Variants in CAST observed in about 807,000 individuals in gnomAD.
The protein encoded by CAST is calpastatin, also known as MIR583 host.
A neutral mutation model predicts 119.6 loss-of-function variants in CAST; 76 were observed. That is an observed-to-expected ratio of 0.64 (90% CI 0.53 to 0.77). CAST has a LOEUF of 0.77. Among genes scored for constraint, CAST ranks in the 30% least tolerant of loss-of-function variants. The pLI, the probability that CAST is intolerant of heterozygous loss-of-function variation, is 0.00. For synonymous variants in CAST, 319 were observed against 331.6 expected (o/e 0.96, Z 0.41); for missense variants, 953 against 946.5 (o/e 1.01, Z -0.09).
At chr5:96,332,941 C>T in the CAST span, among the ~76,000 whole-genome samples, 1 of 152,174 alleles carries the variant, frequency 6.6e-6, no homozygotes, top group African/African-American at 2.4e-5. Flanking sequence ...AGGTGGTTTC[C>T]TTTTGGCCAC....
the CAST span, among the ~76,000 whole-genome samples, chr5:96,419,817 A>C: frequency 6.6e-6 from 1 of 152,112 alleles, no homozygotes; most frequent in Non-Finnish European, 1.5e-5. Flanking sequence ...AACAACTATT[A>C]TAAATGCTGT....
rs371859659 is a variant in CAST at position 96,598,875 on chromosome 5, ATTGT to A, written c.60+69001_60+69004del. Among the ~76,000 whole-genome samples, 543 of 152,250 alleles carry A rather than the reference ATTGT, an allele frequency of 3.6e-3. 6 individuals are homozygous for A. The highest frequency in any genetic ancestry group is 0.013 in the African/African-American group (523 of 41,550). ...CTGTCTGACTGCTTTGGGCTGGGAC[ATTGT>A]TTGTTGTTGTTTTGCCTGCCTTTGG... On this transcript the variant is annotated intron_variant, in intron 1 of 11. Transcript: ENST00000505143.
chr5:96,233,787 CAT>C, the CAST span, among the ~76,000 whole-genome samples: 2 of 152,132 alleles, frequency 1.3e-5, no homozygotes, highest in South Asian at 2.1e-4. Flanking sequence ...TGTAAGATAA[CAT>C]ATTTACATAT....
At chr5:96,724,231 G>C (rs1007740592) in intron 4 of CAST, among the ~76,000 whole-genome samples, 14 of 151,996 alleles carry the variant, frequency 9.2e-5, no homozygotes, top group African/African-American at 3.4e-4. Context: ...TTCCAGGCTG[G>C]ATGTAGTGGC....
intron 2 of CAST, among the ~76,000 whole-genome samples, chr5:96,692,356 T>C (rs1752822512): frequency 6.6e-6 from 1 of 152,122 alleles, no homozygotes; most frequent in African/African-American, 2.4e-5. Flanking sequence ...GGGGGTCAGG[T>C]AGTAACCTGA....
the CAST span, among the ~76,000 whole-genome samples, chr5:96,428,274 G>A: frequency 6.6e-6 from 1 of 152,032 alleles, no homozygotes; most frequent in East Asian, 1.9e-4. Context: ...TTCCCCCTGG[G>A]AAGTTGAAAG....
chr5:96,201,877 T>C, the CAST span, among the ~76,000 whole-genome samples: 1 of 152,286 alleles, frequency 6.6e-6, no homozygotes, highest in Admixed American at 6.5e-5. Context: ...TTTTTAATTA[T>C]TGATTAGACA....
rs1444649427 is a variant in CAST, at chr5:96,773,647, T to C, written c.*1031T>C. On this transcript the variant is annotated 3_prime_UTR_variant, in exon 32 of 32. Coordinates refer to ENST00000675179, the MANE Select transcript of CAST (RefSeq NM_001750.7). ...GAAACCTGCATTTCTCCCACAGCAA[T>C]GTAAGAAGTAGGCTCTGATGTCCTA... is the stretch of plus-strand genomic sequence containing the variant. 2 of 152,166 alleles carry C rather than the reference T, an allele frequency of 1.3e-5. No homozygotes were observed. Among genetic ancestry groups the C allele is most frequent in the African/African-American group, 2.4e-5 (1 of 41,446 alleles). 9.4% of individuals were successfully genotyped at this position (152,166 alleles called of 1,614,324 possible).
chr5:96,344,153 G>C, the CAST span, among the ~76,000 whole-genome samples: 1 of 152,206 alleles, frequency 6.6e-6, no homozygotes, highest in South Asian at 2.1e-4. Context: ...GACTGGCCAA[G>C]GGACAATATC....
the CAST span, among the ~76,000 whole-genome samples, chr5:96,483,033 A>G: frequency 2.6e-5 from 4 of 152,190 alleles, no homozygotes; most frequent in African/African-American, 9.6e-5. Context: ...TGTCAAGATA[A>G]TAAGTTTTCT....
chr5:96,087,471 A>T, the CAST span, among the ~76,000 whole-genome samples: 1 of 152,138 alleles, frequency 6.6e-6, no homozygotes, highest in Non-Finnish European at 1.5e-5. Flanking sequence ...TTTTCCCTAT[A>T]CCAGAAGTGC....
chr5:96,190,661 A>T, the CAST span, among the ~76,000 whole-genome samples: 1 of 152,046 alleles, frequency 6.6e-6, no homozygotes, highest in African/African-American at 2.4e-5. Flanking sequence ...TCCTCAGCTC[A>T]CCATCTTTTA....
chr5:96,247,926 A>C, the CAST span: 1 of 152,202 alleles, frequency 6.6e-6, no homozygotes, highest in Non-Finnish European at 1.5e-5. Context: ...GCAGAGATGC[A>C]CTGCTTGGGT....
rs541975826 is a variant in CAST, at chr5:96,575,894, C to T, written c.60+46014C>T. ...CTGGGCTCAAGGGATCTTCCCACCT[C>T]GGCCTCCCAAATTGCTAGGGATACT... On this transcript the variant is annotated intron_variant, in intron 1 of 11. Coordinates refer to the CAST transcript ENST00000505143. 3.3e-5 allele frequency among the ~76,000 whole-genome samples: 5 copies of T among 152,240 alleles called. No homozygotes were observed. In the East Asian group the frequency reaches 7.7e-4, roughly 24 times the overall value.
chr5:96,613,871 T>C lies in CAST; in HGVS notation c.61-61668T>C, dbSNP rs182752751. Among the ~76,000 whole-genome samples the C allele has an allele frequency of 2.6e-5, 4 of 152,330 alleles. No homozygotes were observed. The East Asian group carries it at 7.7e-4, about 29-fold the overall frequency. ...TTAGGTATTCCCAAATGTCTTTCAA[T>C]GAAATTTTATACTTTTTAAAATAAT... On this transcript the variant is annotated intron_variant, in intron 1 of 11. Coordinates refer to the CAST transcript ENST00000505143.
the CAST span, among the ~76,000 whole-genome samples, chr5:96,097,270 G>A: frequency 3.5e-3 from 528 of 151,652 alleles, 2 homozygotes; most frequent in African/African-American, 4.5e-3. Flanking sequence ...GTCTGCTGTG[G>A]AGTTCATGAG....
the CAST span, among the ~76,000 whole-genome samples, chr5:96,181,703 ATTTC>A: frequency 1.3e-5 from 2 of 152,118 alleles, no homozygotes; most frequent in South Asian, 2.1e-4. Flanking sequence ...GTTTATGGTT[ATTTC>A]TTCATTAGGG....
the CAST span, among the ~76,000 whole-genome samples, chr5:96,520,003 C>T: frequency 1.3e-5 from 2 of 152,158 alleles, no homozygotes; most frequent in Non-Finnish European, 2.9e-5. Context: ...GTATTTAAAT[C>T]CCTTTTTGGA....
At chr5:96,085,678 T>C in the CAST span, among the ~76,000 whole-genome samples, 1 of 152,234 alleles carries the variant, frequency 6.6e-6, no homozygotes, top group Non-Finnish European at 1.5e-5. Context: ...TTTCATGAGC[T>C]TAACTAGACG....
Sources: gnomAD v4.1 joint callset for allele counts (sites outside exome capture counted in the v4.1 genomes callset) on GRCh38, gnomAD v4.1.1 for gene constraint, MANE v1.5 for transcripts, NCBI Gene and HGNC (gene_info 2026-07-23, HGNC 2026-07-21) for gene names.